PCNX3: variants seen among roughly 807,000 people sequenced by gnomAD.
PCNX3 encodes the protein pecanex-like protein 3.
A neutral mutation model predicts 207.2 loss-of-function variants in PCNX3; 58 were observed. That is an observed-to-expected ratio of 0.28 (90% CI 0.23 to 0.35). The LOEUF is 0.35. Among genes scored for constraint, PCNX3 ranks in the 10% least tolerant of loss-of-function variants. The pLI is 1.00. For missense variants in PCNX3, 2,410 were observed against 2,774.4 expected (o/e 0.87, Z 2.95); for synonymous variants, 1,337 against 1,183.5 (o/e 1.13, Z -2.66).
Position 65,624,232 on chromosome 11 carries a change from A to C in PCNX3, c.2582A>C (p.Tyr861Ser), listed in dbSNP as rs1169621691. 1 of 1,608,024 alleles carries C rather than the reference A, an allele frequency of 6.2e-7. No homozygotes were observed. The highest frequency in any genetic ancestry group is 8.5e-7 in the Non-Finnish European group (1 of 1,177,582). The change falls in exon 14 of 35, where the codon TAC becomes TCC. Residue 861 changes from tyrosine (Y) to serine (S), a missense_variant. Tyr to Ser is a moderately radical substitution (Grantham distance 144, BLOSUM62 -2). Transcript: ENST00000355703. ...GTGATCGCGTACAGCCGTCCTGTCTACTTCTGCATCTGCTGTCTGCTCATC... is the reference window on the plus strand; with the variant it reads ...GTGATCGCGTACAGCCGTCCTGTCTCCTTCTGCATCTGCTGTCTGCTCATC... Reference protein sequence around the residue: ...NWVIAYSRPVYFCICCLLIWL... With the variant: ...NWVIAYSRPVSFCICCLLIWL...
At chr11:65,627,150 T>G in intron 21 of PCNX3, 102 bp downstream of exon 21, 1 of 1,415,730 alleles carries the variant, frequency 7.1e-7, no homozygotes. Flanking sequence ...CTAAGGTTGT[T>G]TAGCAAGCTA....
chr11:65,625,801 T>C lies in PCNX3; in HGVS notation c.3228+57T>C. The C allele has an allele frequency of 8.8e-6, 14 of 1,597,424 alleles. No individual in the cohort carries two copies. Among genetic ancestry groups the C allele is most frequent in the Non-Finnish European group, 1.1e-5 (13 of 1,172,938 alleles). ...GCTGTCTTGGCGGGAGCCTGCTCAA[T>C]CTGAGTGCCGTGGGCAGCCCCTCCC... is the stretch of plus-strand genomic sequence containing the variant. On this transcript the variant is annotated intron_variant, in intron 19 of 34. Coordinates refer to ENST00000355703, the MANE Select transcript of PCNX3 (RefSeq NM_032223.4). This position sits in a 1 kb window ranked among gnomAD's most constrained non-coding sequence, Gnocchi z 5.6.
intron 11 of PCNX3, 86 bp downstream of exon 11, chr11:65,622,452 T>C (rs911701900): frequency 2.9e-5 from 41 of 1,437,422 alleles, no homozygotes; most frequent in Non-Finnish European, 3.3e-5. Flanking sequence ...GAGGCAGTCA[T>C]GGCAGCAGAG....
rs1590885484 is a variant in PCNX3 at position 65,624,724 on chromosome 11, C to T, written c.2827+143C>T. The T allele has an allele frequency of 1.5e-5, 14 of 941,864 alleles. No homozygotes were observed. The South Asian group carries it at 1.5e-4, about 10-fold the overall frequency. The allele number at this position is 941,864 out of a possible 1,614,324, so 58.3% of individuals were successfully genotyped here. A position where few individuals can be genotyped will look rare whatever the true frequency, so the allele number is the denominator to read the frequency against. ...CAAGGTTTCTGCCTTCTCCCCTCTC[C>T]TTCCCTCCCCAGGCAAGTGGTTTAT... On this transcript the variant is annotated intron_variant, in intron 15 of 34. Transcript: ENST00000355703.
chr11:65,624,236 C>T lies in PCNX3; in HGVS notation c.2586C>T (p.Phe862=), dbSNP rs541128577. Residue 862 remains phenylalanine (F), a synonymous_variant, in exon 14 of 35, where the codon TTC becomes TTT. Transcript: ENST00000355703. ...TCGCGTACAGCCGTCCTGTCTACTTCTGCATCTGCTGTCTGCTCATCTGGC... is the reference window on the plus strand; with the variant it reads ...TCGCGTACAGCCGTCCTGTCTACTTTTGCATCTGCTGTCTGCTCATCTGGC... The part of the protein sequence containing the change: ...WVIAYSRPVY[F]CICCLLIWLL... 131 of 1,607,954 alleles carry T rather than the reference C, an allele frequency of 8.1e-5. 1 individual carries two copies. The East Asian group carries it at 2.7e-3, about 33-fold the overall frequency.
In PCNX3 at chr11:65,635,247, G is replaced by A. The variant is rs1855781161; in HGVS notation, c.4983G>A (p.Glu1661=). Residue 1661 remains glutamate, a synonymous_variant, in exon 31 of 35, where the codon GAG becomes GAA. Coordinates refer to ENST00000355703, the MANE Select transcript of PCNX3 (RefSeq NM_032223.4). This position sits in a 1 kb window ranked among gnomAD's most constrained non-coding sequence, Gnocchi z 9.9. ...QDHFTSPDEY[E]EPAALYDAIA... ...ACTTCACGTCCCCAGATGAATATGA[G>A]GAGCCAGCAGCCCTATACGATGCCA... 9 of 1,585,912 alleles carry A rather than the reference G, an allele frequency of 5.7e-6. No individual in the cohort carries two copies. The highest frequency in any genetic ancestry group is 7.7e-6 in the Non-Finnish European group (9 of 1,166,496).
chr11:65,617,391 C>T (rs370503125), intron 3 of PCNX3, 42 bp downstream of exon 3: 773 of 1,612,040 alleles, frequency 4.8e-4, no homozygotes, highest in Non-Finnish European at 5.9e-4. Flanking sequence ...TGTCCCTCTG[C>T]GAGCCAGTCC....
rs182150208 is a variant in PCNX3 at position 65,619,832 on chromosome 11, C to G, written c.1908C>G (p.Ala636=). The G allele has an allele frequency of 4.6e-4, 747 of 1,606,618 alleles. No individual in the cohort carries two copies. In the African/African-American group the frequency reaches 8.9e-3, roughly 19 times the overall value. ...CGCTGCCCTCTGCGCTGCATTTCGC[C>G]TCTTCACTGTTGCTCACCCGGGCCG... The part of the protein sequence containing the change: ...ALTLPSALHF[A]SSLLLTRAGA... Residue 636 remains alanine, a synonymous_variant, in exon 8 of 35, where the codon GCC becomes GCG. Transcript: ENST00000355703.
At chr11:65,630,658 T>C in intron 27 of PCNX3, 54 bp downstream of exon 27, 2 of 1,576,810 alleles carry the variant, frequency 1.3e-6, no homozygotes, top group South Asian at 1.2e-5. Context: ...GAGCGCTCGC[T>C]GACCAGAGGC....
intron 27 of PCNX3, among the ~76,000 whole-genome samples, chr11:65,633,343 C>T (rs1203233200): frequency 6.6e-6 from 1 of 152,224 alleles, no homozygotes; most frequent in Non-Finnish European, 1.5e-5. Flanking sequence ...ACCACATGTG[C>T]CCGTGGCTTT....
At position 65,629,772 on chromosome 11, in the gene PCNX3, G is replaced by C. The variant is rs375822058; in HGVS notation, c.4216+37G>C. 5.9e-6 allele frequency: 9 copies of C among 1,538,340 alleles called. No individual in the cohort carries two copies. The African/African-American group carries it at 1.2e-4, about 21-fold the overall frequency. On this transcript the variant is annotated intron_variant, in intron 26 of 34. Transcript: ENST00000355703. ...GACCAGGCTCGGGTGGGCAGGCACA[G>C]CTCGGGCCTGATGTGGGAGCTGTGT...
intron 27 of PCNX3, among the ~76,000 whole-genome samples, chr11:65,632,069 G>A (rs1179505101): frequency 6.6e-6 from 1 of 152,012 alleles, no homozygotes; most frequent in African/African-American, 2.4e-5. Flanking sequence ...GTCCCATCTT[G>A]AGAGAGGTGC....
rs766431778 is a variant in PCNX3 at position 65,622,322 on chromosome 11, C to T, written c.2313C>T (p.Thr771=). The T allele has an allele frequency of 8.5e-5, 136 of 1,597,114 alleles. No individual in the cohort carries two copies. The highest frequency in any genetic ancestry group is 1.1e-4 in the Non-Finnish European group (132 of 1,172,692). The part of the protein sequence containing the change: ...YKYWLLPGRW[T]SVRYERLALL... ...ACTGGCTTCTCCCTGGCCGCTGGACCTCTGTGCGCTATGAGCGGCTTGCCC... is the reference window on the plus strand; with the variant it reads ...ACTGGCTTCTCCCTGGCCGCTGGACTTCTGTGCGCTATGAGCGGCTTGCCC... Residue 771 remains threonine (T), a synonymous_variant, in exon 11 of 35, where the codon ACC becomes ACT. Transcript: ENST00000355703.
chr11:65,636,048 T>TA, intron 32 of PCNX3, 126 bp from the exon 33 acceptor site: 1 of 1,417,788 alleles, frequency 7.1e-7, no homozygotes, highest in Admixed American at 2.1e-5. Context: ...GGCAGCTTCT[T>TA]AGAGGGGAGG....
At position 65,616,517 on chromosome 11, in the gene PCNX3, G is replaced by T. The variant is rs192810302; in HGVS notation, c.153+53G>T. On this transcript the variant is annotated intron_variant, in intron 1 of 34. Transcript: ENST00000355703. ...CAGCCGGGAGAGGGAGGGCAGCCTG[G>T]CAGGGATTCAGGGCAGTGCCCTGGG... is the stretch of plus-strand genomic sequence containing the variant. The T allele has an allele frequency of 5.8e-5, 90 of 1,553,078 alleles. No homozygotes were observed. The East Asian group carries it at 1.8e-3, about 32-fold the overall frequency.
chr11:65,633,477 A>G (rs1200163334), intron 27 of PCNX3, among the ~76,000 whole-genome samples: 2 of 151,972 alleles, frequency 1.3e-5, no homozygotes, highest in East Asian at 1.9e-4. Flanking sequence ...GGATCCCACA[A>G]TGTCATGATG....
chr11:65,619,092 G>A, intron 6 of PCNX3, 25 bp downstream of exon 6: 23 of 1,559,294 alleles, frequency 1.5e-5, no homozygotes, highest in Non-Finnish European at 1.9e-5. Flanking sequence ...TAGAGGCAGG[G>A]GCTGGGGGAC....
At chr11:65,617,381 T>C (rs1171433137) in intron 3 of PCNX3, 32 bp downstream of exon 3, 2 of 1,613,364 alleles carry the variant, frequency 1.2e-6, no homozygotes, top group Non-Finnish European at 1.7e-6. Context: ...CTTGTCCTCC[T>C]GTCCCTCTGC....
chr11:65,619,362 C>T (rs1780266861), intron 6 of PCNX3, 175 bp from the exon 7 acceptor site: 1 of 882,702 alleles, frequency 1.1e-6, no homozygotes, highest in Non-Finnish European at 1.4e-6. Flanking sequence ...TCAGTGTCAT[C>T]CTTGTTTGCA....
Sources: gnomAD v4.1 joint callset for allele counts (sites outside exome capture counted in the v4.1 genomes callset) on GRCh38, gnomAD v4.1.1 for gene constraint, Gnocchi (gnomAD v3.1) non-coding constraint, MANE v1.5 for transcripts, NCBI Gene and HGNC (gene_info 2026-07-23, HGNC 2026-07-21) for gene names.